ZNG1F: variants seen among roughly 807,000 people sequenced by gnomAD.
The protein encoded by ZNG1F is zinc-regulated GTPase metalloprotein activator 1F.
the ZNG1F span, among the ~76,000 whole-genome samples, chr9:41,159,229 ATC>A: frequency 6.7e-6 from 1 of 149,836 alleles, no homozygotes; most frequent in African/African-American, 2.4e-5. Flanking sequence ...CAATCCAAGT[ATC>A]CAGTATCTAC....
At chr9:41,176,759 C>T in the ZNG1F span, 3 of 148,920 alleles carry the variant, frequency 2.0e-5, no homozygotes, top group Non-Finnish European at 4.5e-5. Context: ...AACATGTATG[C>T]ATATGTATTA....
At chr9:41,149,980 G>A in the ZNG1F span, among the ~76,000 whole-genome samples, 3 of 127,612 alleles carry the variant, frequency 2.4e-5, no homozygotes, top group African/African-American at 8.6e-5. Context: ...CAAGATGGCC[G>A]AATAGGAACA....
chr9:41,205,731 TC>T, the ZNG1F span, among the ~76,000 whole-genome samples: 1 of 25,658 alleles, frequency 3.9e-5, no homozygotes, highest in South Asian at 1.8e-3. Context: ...TTTCTCTCTC[TC>T]TTTTTTTTTT....
chr9:41,169,161 A>G, the ZNG1F span, among the ~76,000 whole-genome samples: 56 of 151,384 alleles, frequency 3.7e-4, no homozygotes, highest in African/African-American at 1.3e-3. Flanking sequence ...GTGCATCTTA[A>G]CATTTATTTT....
At chr9:41,169,718 G>A in the ZNG1F span, among the ~76,000 whole-genome samples, 1 of 147,070 alleles carries the variant, frequency 6.8e-6, no homozygotes, top group Non-Finnish European at 1.5e-5. Context: ...CTAAAACATA[G>A]ATCTTAATTG....
the ZNG1F span, chr9:41,174,256 A>C: frequency 7.2e-7 from 1 of 1,392,184 alleles, no homozygotes; most frequent in East Asian, 2.6e-5. Context: ...AAAAAAAAAA[A>C]ACAAGAAAGA....
At chr9:41,187,596 T>G in the ZNG1F span, among the ~76,000 whole-genome samples, 1 of 149,644 alleles carries the variant, frequency 6.7e-6, no homozygotes, top group African/African-American at 2.5e-5. Flanking sequence ...TAAAGATCAT[T>G]AAGGCTAACA....
At chr9:41,141,314 A>G in the ZNG1F span, among the ~76,000 whole-genome samples, 1 of 150,128 alleles carries the variant, frequency 6.7e-6, no homozygotes, top group East Asian at 2.0e-4. Flanking sequence ...GGGTTTTCTC[A>G]TCTACCTTCC....
At chr9:41,150,313 G>C in the ZNG1F span, among the ~76,000 whole-genome samples, 1 of 150,730 alleles carries the variant, frequency 6.6e-6, no homozygotes, top group South Asian at 2.1e-4. Context: ...ACCTGGCTCG[G>C]AGGGTCCCAC....
chr9:41,155,078 T>C, the ZNG1F span, among the ~76,000 whole-genome samples: 1 of 150,484 alleles, frequency 6.6e-6, no homozygotes, highest in Non-Finnish European at 1.5e-5. Context: ...ACCTACAAAA[T>C]GGGAGAAAAT....
chr9:41,201,211 C>T, the ZNG1F span, among the ~76,000 whole-genome samples: 2 of 146,678 alleles, frequency 1.4e-5, no homozygotes, highest in South Asian at 2.2e-4. Context: ...CAAAAACATG[C>T]TTGTATGTGC....
the ZNG1F span, among the ~76,000 whole-genome samples, chr9:41,201,003 TAA>T: frequency 1.4e-5 from 2 of 142,466 alleles, no homozygotes; most frequent in Admixed American, 1.5e-4. Context: ...CCGTTTAGAT[TAA>T]GTTTTATGTT....
the ZNG1F span, chr9:41,177,954 T>C: frequency 5.3e-5 from 4 of 74,902 alleles, no homozygotes; most frequent in African/African-American, 2.3e-4. Flanking sequence ...AACATAGAAC[T>C]AAAAGAATTA....
At chr9:41,146,040 G>T in the ZNG1F span, 1 of 140,032 alleles carries the variant, frequency 7.1e-6, no homozygotes, top group African/African-American at 2.7e-5. Context: ...ACAGTGAGGG[G>T]TAAATTAGTA....
the ZNG1F span, among the ~76,000 whole-genome samples, chr9:41,193,073 C>G: frequency 7.2e-6 from 1 of 138,618 alleles, no homozygotes; most frequent in African/African-American, 2.6e-5. Flanking sequence ...ATTTGTGTGC[C>G]CATTTTATAG....
chr9:41,159,145 G>A, the ZNG1F span, among the ~76,000 whole-genome samples: 128 of 150,940 alleles, frequency 8.5e-4, no homozygotes, highest in Non-Finnish European at 1.3e-3. Context: ...TGGAATTGCA[G>A]CTACTGCTTA....
the ZNG1F span, among the ~76,000 whole-genome samples, chr9:41,185,635 T>C: frequency 1.0e-3 from 158 of 151,884 alleles, no homozygotes; most frequent in African/African-American, 3.5e-3. Flanking sequence ...ATTGCACCAC[T>C]GCACTCCAGC....
chr9:41,202,679 AC>A, the ZNG1F span, among the ~76,000 whole-genome samples: 1 of 78,620 alleles, frequency 1.3e-5, no homozygotes, highest in Admixed American at 1.7e-4. Context: ...TAATTTTCTA[AC>A]TCATTTTGAA....
chr9:41,200,488 A>G, the ZNG1F span, among the ~76,000 whole-genome samples: 1 of 106,362 alleles, frequency 9.4e-6, no homozygotes, highest in Non-Finnish European at 2.0e-5. Context: ...ACAGGTCTCT[A>G]GGAAGCTCCA....
Sources: gnomAD v4.1 joint callset for allele counts (sites outside exome capture counted in the v4.1 genomes callset) on GRCh38, gnomAD v4.1.1 for gene constraint, MANE v1.5 for transcripts, NCBI Gene and HGNC (gene_info 2026-07-23, HGNC 2026-07-21) for gene names.